The following HECW1 variants were observed in gnomAD, a reference collection of about 807,000 sequenced individuals.
The protein encoded by HECW1 is HECT, C2 and WW domain containing E3 ubiquitin protein ligase 1, also known as E3 ubiquitin-protein ligase HECW1.
Under a neutral mutation model 182.3 loss-of-function variants are expected in HECW1, and 61 were observed. The ratio of observed to expected loss-of-function variants is 0.33; its 90% CI spans 0.27 to 0.41. The LOEUF (loss-of-function observed/expected upper bound fraction) is 0.41, where lower values mean the gene tolerates loss of function less well. HECW1 is among the 10% of genes least tolerant of loss of function. The pLI is 1.00. For missense variants in HECW1, 1,739 were observed against 2,108.9 expected (o/e 0.82, Z 3.44); for synonymous variants, 859 against 832.6 (o/e 1.03, Z -0.55).
chr7:43,441,868 C>T (rs2076899539), intron 9 of HECW1, among the ~76,000 whole-genome samples: 1 of 152,200 alleles, frequency 6.6e-6, no homozygotes, highest in Non-Finnish European at 1.5e-5. Context: ...GGTGGTGGGC[C>T]ACATTTAGCC....
chr7:43,214,270 C>A (rs1796257864), intron 2 of HECW1, among the ~76,000 whole-genome samples: 1 of 151,104 alleles, frequency 6.6e-6, no homozygotes, highest in African/African-American at 2.4e-5. Flanking sequence ...AGCAAATAAA[C>A]AATATTAGAA....
intron 3 of HECW1, 22 bp from the exon 4 acceptor site, chr7:43,311,741 C>A: frequency 6.2e-7 from 1 of 1,611,798 alleles, no homozygotes; most frequent in South Asian, 1.1e-5. Context: ...TGACCCTGCT[C>A]ACTGTCTCTT....
chr7:43,307,903 T>TATATATAC (rs1338463110), intron 3 of HECW1, among the ~76,000 whole-genome samples: 16 of 135,920 alleles, frequency 1.2e-4, no homozygotes, highest in African/African-American at 4.5e-4. Context: ...TATACACATA[T>TATATATAC]ATATATATAT....
At chr7:43,400,970 C>T (rs925524824) in intron 7 of HECW1, among the ~76,000 whole-genome samples, 4 of 152,194 alleles carry the variant, frequency 2.6e-5, no homozygotes, top group African/African-American at 9.6e-5. Context: ...CATCACATTG[C>T]CTTCTCCTCA....
intron 3 of HECW1, among the ~76,000 whole-genome samples, chr7:43,302,803 G>A (rs1199868240): frequency 6.6e-6 from 1 of 152,134 alleles, no homozygotes; most frequent in Non-Finnish European, 1.5e-5. Flanking sequence ...CTTTCAATCA[G>A]GCTAGTGCCT....
intron 21 of HECW1, among the ~76,000 whole-genome samples, chr7:43,502,449 G>A (rs2079403123): frequency 1.3e-5 from 2 of 152,146 alleles, no homozygotes; most frequent in Non-Finnish European, 2.9e-5. Context: ...TTGAGCCCAA[G>A]AGTTCGAGAC....
At chr7:43,312,216 A>G in intron 4 of HECW1, 129 bp downstream of exon 4, 1 of 848,750 alleles carries the variant, frequency 1.2e-6, no homozygotes, top group Admixed American at 2.8e-5. Context: ...AACACACTGA[A>G]GACCACTGTT....
chr7:43,404,601 G>A (rs759622159), intron 7 of HECW1, among the ~76,000 whole-genome samples: 2 of 152,148 alleles, frequency 1.3e-5, no homozygotes, highest in Non-Finnish European at 2.9e-5. Context: ...AAAGTGTATC[G>A]AAAAAGACTC....
At chr7:43,514,888 A>G (rs2080069263) in intron 24 of HECW1, among the ~76,000 whole-genome samples, 2 of 152,190 alleles carry the variant, frequency 1.3e-5, no homozygotes, top group Non-Finnish European at 2.9e-5. Flanking sequence ...GCAGACATAA[A>G]CAAAGCCACA....
At chr7:43,405,248 A>G (rs1044863038) in intron 7 of HECW1, among the ~76,000 whole-genome samples, 5 of 146,366 alleles carry the variant, frequency 3.4e-5, no homozygotes, top group East Asian at 1.9e-4. Flanking sequence ...TTTATGATGA[A>G]TGTTTTATAT....
Position 43,444,532 on chromosome 7 carries a change from A to C in HECW1, c.1360A>C (p.Ser454Arg). 6.2e-7 allele frequency: 1 copy of C among 1,611,488 alleles called. No homozygotes were observed. The highest frequency in any genetic ancestry group is 1.3e-5 in the African/African-American group (1 of 75,030). ...QVQKDIQPAPSAEELAEQLDL... is the reference protein window; with the variant it reads ...QVQKDIQPAPRAEELAEQLDL... ...GCAAAAGGACATCCAGCCTGCCCCC[A>C]GTGCAGAAGAGCTGGCCGAGCAGCT... Residue 454 changes from serine (S) to arginine (R), a missense_variant, in exon 11 of 30, where the codon AGT becomes CGT. Physicochemically the swap from Ser to Arg is moderately radical, Grantham distance 110. Around this residue, in one of 5 missense-constraint regions of HECW1, gnomAD observed 971 missense variants for 1,029.1 expected, o/e 0.94. Transcript: ENST00000395891. The surrounding 1 kb of genome is among the most constrained non-coding windows in gnomAD (Gnocchi z 4.3).
rs1454685253 is a variant in HECW1 at position 43,320,736 on chromosome 7, G to T, written c.454G>T (p.Val152Leu). 1 of 1,610,914 alleles carries T rather than the reference G, an allele frequency of 6.2e-7. No homozygotes were observed. ...IWKIDASSYFVEPETKICFKY... is the reference protein window; with the variant it reads ...IWKIDASSYFLEPETKICFKY... ...GAAGATCGATGCCAGCTCGTACTTTGTGGAACGTGAGTACCTTTACCATTC... is the reference window on the plus strand; with the variant it reads ...GAAGATCGATGCCAGCTCGTACTTTTTGGAACGTGAGTACCTTTACCATTC... Residue 152 changes from valine to leucine, a missense_variant, in exon 5 of 30, where the codon GTG becomes TTG. This residue lies in a region of HECW1 where 279 missense variants were observed against 353.1 expected (regional missense o/e 0.79). Coordinates refer to ENST00000395891, the MANE Select transcript of HECW1 (RefSeq NM_015052.5).
intron 2 of HECW1, among the ~76,000 whole-genome samples, chr7:43,179,541 T>C (rs1160162153): frequency 4.2e-5 from 6 of 144,046 alleles, no homozygotes; most frequent in Admixed American, 4.1e-4. Flanking sequence ...GGGAGAATTG[T>C]ATATTTGCTA....
chr7:43,533,295 C>T (rs935256245), intron 24 of HECW1, among the ~76,000 whole-genome samples: 1 of 152,130 alleles, frequency 6.6e-6, no homozygotes, highest in African/African-American at 2.4e-5. Context: ...GGTCCATTAC[C>T]AGGGAAGCAG....
intron 9 of HECW1, chr7:43,439,627 G>C (rs554913249): frequency 6.6e-6 from 1 of 152,310 alleles, no homozygotes; most frequent in Non-Finnish European, 1.5e-5. Context: ...CAGTTCGTAC[G>C]TAAGGAACAG....
intron 17 of HECW1, among the ~76,000 whole-genome samples, chr7:43,483,547 C>CT (rs549214390): frequency 0.026 from 3,076 of 118,984 alleles, 144 homozygotes; most frequent in African/African-American, 0.079. Context: ...CATGCAAACT[C>CT]TTTTTTTTTT....
intron 8 of HECW1, among the ~76,000 whole-genome samples, chr7:43,433,922 G>C (rs1226512063): frequency 6.6e-6 from 1 of 152,128 alleles, no homozygotes; most frequent in African/African-American, 2.4e-5. Flanking sequence ...AGACCCCCAA[G>C]GATGCCCAGG....
chr7:43,350,138 A>C (rs527473244), intron 5 of HECW1, among the ~76,000 whole-genome samples: 1 of 152,312 alleles, frequency 6.6e-6, no homozygotes, highest in South Asian at 2.1e-4. Context: ...GTTTCGCTAG[A>C]TACAAAATTC....
Position 43,396,654 on chromosome 7 carries a change from G to A in HECW1, c.556-160G>A, listed in dbSNP as rs1584760607. On this transcript the variant is annotated intron_variant, in intron 6 of 29. Coordinates refer to ENST00000395891, the MANE Select transcript of HECW1 (RefSeq NM_015052.5). ...CCTCTACTACTGGGAAAAACATTAG[G>A]TTGCTAGAAAGTTGTTTTAATCAAT... The A allele has an allele frequency of 7.0e-6, 4 of 569,920 alleles. No individual in the cohort carries two copies. In the East Asian group the frequency reaches 1.2e-4, roughly 17 times the overall value. The allele number at this position is 569,920 out of a possible 1,614,324, so 35.3% of individuals were successfully genotyped here.
Sources: allele counts gnomAD v4.1 joint callset (sites outside exome capture counted in the v4.1 genomes callset), GRCh38; gene constraint gnomAD v4.1.1; regional missense constraint gnomAD v4.1.1; non-coding constraint Gnocchi (gnomAD v3.1); transcripts MANE v1.5; gene names NCBI Gene and HGNC (gene_info 2026-07-23, HGNC 2026-07-21).